The following BICD1 variants were observed in gnomAD, a reference collection of about 807,000 sequenced individuals.
BICD1 encodes protein bicaudal D homolog 1.
BICD1 carries 35 observed loss-of-function variants against 92.5 expected under a neutral mutation model. The observed-to-expected ratio is 0.38, with a 90% CI of 0.29 to 0.50. BICD1 has a LOEUF of 0.50. Among genes scored for constraint, BICD1 ranks in the 20% least tolerant of loss-of-function variants. The pLI is 0.93. For missense variants in BICD1, 950 were observed against 1,189.8 expected (o/e 0.80, Z 2.97); for synonymous variants, 429 against 465.1 (o/e 0.92, Z 1.00).
At chr12:32,320,978 A>G (rs1948641138) in intron 4 of BICD1, among the ~76,000 whole-genome samples, 1 of 152,228 alleles carries the variant, frequency 6.6e-6, no homozygotes, top group African/African-American at 2.4e-5. Flanking sequence ...TAAAATGTAT[A>G]GTAATTTTAA....
rs1028915181 is a variant in BICD1, at chr12:32,362,474, G to A, written c.2765-5196G>A. The stretch of plus-strand genomic sequence containing the variant: ...AACTTTCTCTCTCTGCCAATGAAAT[G>A]TATTATTTTCAGCCACCTCTTTTTA... On this transcript the variant is annotated intron_variant, in intron 8 of 9. Coordinates refer to ENST00000652176, the MANE Select transcript of BICD1 (RefSeq NM_001714.4). Among the ~76,000 whole-genome samples, 8 of 152,196 alleles carry A rather than the reference G, an allele frequency of 5.3e-5. No homozygotes were observed. In the East Asian group the frequency reaches 1.5e-3, roughly 29 times the overall value.
chr12:32,291,674 C>G (rs1947730661), intron 2 of BICD1, among the ~76,000 whole-genome samples: 1 of 151,280 alleles, frequency 6.6e-6, no homozygotes, highest in Non-Finnish European at 1.5e-5. Flanking sequence ...ACCATCTCTA[C>G]AAAAAATACA....
intron 3 of BICD1, among the ~76,000 whole-genome samples, chr12:32,296,395 C>T (rs187606350): frequency 1.8e-4 from 28 of 151,544 alleles, no homozygotes; most frequent in East Asian, 1.4e-3. Flanking sequence ...GTAGCTGGGA[C>T]TACATGCATG....
chr12:32,308,368 C>G (rs1429037536), intron 4 of BICD1, among the ~76,000 whole-genome samples: 3 of 152,164 alleles, frequency 2.0e-5, no homozygotes, highest in South Asian at 4.1e-4. Context: ...CACTAGTTGA[C>G]AGTCATTCTT....
At chr12:32,123,895 ACAGC>A (rs1942241235) in intron 1 of BICD1, among the ~76,000 whole-genome samples, 1 of 151,796 alleles carries the variant, frequency 6.6e-6, no homozygotes, top group Non-Finnish European at 1.5e-5. Context: ...AAAAAAAAAG[ACAGC>A]CAGTTATTTG....
chr12:32,253,141 C>T (rs989463093), intron 2 of BICD1, among the ~76,000 whole-genome samples: 1 of 152,150 alleles, frequency 6.6e-6, no homozygotes, highest in African/African-American at 2.4e-5. Flanking sequence ...CCTTGGCCTC[C>T]CAAAGTGTTG....
Position 32,327,936 on chromosome 12 carries a change from C to G in BICD1, c.1481C>G (p.Ala494Gly). 6.2e-7 allele frequency: 1 copy of G among 1,614,064 alleles called. No individual in the cohort carries two copies. The highest frequency in any genetic ancestry group is 8.5e-7 in the Non-Finnish European group (1 of 1,180,012). ...EKELQKMTSIANENHSTLNTA... is the reference protein window; with the variant it reads ...EKELQKMTSIGNENHSTLNTA... ...GAGTTGCAAAAGATGACCAGCATAG[C>G]CAACGAAAATCACAGTACCCTTAAT... Residue 494 changes from alanine to glycine, a missense_variant, in exon 5 of 10, where the codon GCC becomes GGC. Physicochemically the swap from Ala to Gly is moderately conservative, Grantham distance 60 (BLOSUM62 0). Transcript: ENST00000652176.
intron 4 of BICD1, among the ~76,000 whole-genome samples, chr12:32,312,770 T>G (rs1160052797): frequency 6.6e-6 from 1 of 152,238 alleles, no homozygotes; most frequent in African/African-American, 2.4e-5. Context: ...TCAGTCTCTA[T>G]AAACTTGACA....
At chr12:32,210,567 C>G (rs1267179090) in intron 1 of BICD1, among the ~76,000 whole-genome samples, 2 of 152,160 alleles carry the variant, frequency 1.3e-5, no homozygotes, top group Non-Finnish European at 2.9e-5. Context: ...ACATAGCTAA[C>G]TGGACTTACA....
intron 1 of BICD1, among the ~76,000 whole-genome samples, chr12:32,186,446 C>T (rs903899107): frequency 3.9e-5 from 6 of 152,166 alleles, no homozygotes; most frequent in Non-Finnish European, 5.9e-5. Context: ...CTTTTTGCTA[C>T]GTGATGTATT....
At chr12:32,367,939 T>C (rs1939588510) in intron 9 of BICD1, 194 bp downstream of exon 9, 2 of 555,122 alleles carry the variant, frequency 3.6e-6, no homozygotes, top group South Asian at 5.0e-5. Context: ...GAGCTGGGGT[T>C]TATTTTGCTG....
intron 2 of BICD1, among the ~76,000 whole-genome samples, chr12:32,275,259 G>C (rs1478971293): frequency 6.6e-6 from 1 of 152,152 alleles, no homozygotes; most frequent in East Asian, 1.9e-4. Flanking sequence ...GTAGGCATAA[G>C]CTGGCTCTAT....
chr12:32,334,807 C>A, intron 6 of BICD1, 140 bp downstream of exon 6: 1 of 908,522 alleles, frequency 1.1e-6, no homozygotes, highest in Non-Finnish European at 1.6e-6. Flanking sequence ...TGTGGAAGTC[C>A]ACTCTGACGT....
intron 1 of BICD1, among the ~76,000 whole-genome samples, chr12:32,142,453 C>CCTATCCTATCTATCTATCCTATCTAT (rs1942964682): frequency 2.7e-5 from 3 of 112,882 alleles, no homozygotes; most frequent in African/African-American, 1.1e-4. Flanking sequence ...ACCTATCTAT[C>CCTATCCTATCTATCTATCCTATCTAT]CTATCTATCT....
At chr12:32,153,281 G>A (rs1271931760) in intron 1 of BICD1, among the ~76,000 whole-genome samples, 1 of 152,160 alleles carries the variant, frequency 6.6e-6, no homozygotes, top group Admixed American at 6.6e-5. Context: ...ATTCCATGGT[G>A]TTTATATACC....
rs774069699 is a variant in BICD1, at chr12:32,216,294, A to G, written c.261A>G (p.Gly87=). The change falls in exon 2 of 10, where the codon GGA becomes GGG. Residue 87 remains glycine, a synonymous_variant. Coordinates refer to ENST00000652176, the MANE Select transcript of BICD1 (RefSeq NM_001714.4). ...TCCACCGGAAGGTTGCTGAAGATGGAGAGACTCGGGAGGAAACGCTTCTGC... is the reference window on the plus strand; with the variant it reads ...TCCACCGGAAGGTTGCTGAAGATGGGGAGACTCGGGAGGAAACGCTTCTGC... ...FSIHRKVAED[G]ETREETLLQE... The G allele has an allele frequency of 4.3e-6, 7 of 1,614,082 alleles. No individual in the cohort carries two copies. The highest frequency in any genetic ancestry group is 3.4e-6 in the Non-Finnish European group (4 of 1,180,012).
chr12:32,335,069 A>G (rs1310312731), intron 6 of BICD1, among the ~76,000 whole-genome samples: 1 of 152,224 alleles, frequency 6.6e-6, no homozygotes, highest in African/African-American at 2.4e-5. Flanking sequence ...ATGAAAGTAT[A>G]TAAAAGTGCC....
chr12:32,322,070 T>G (rs1361880137), intron 4 of BICD1, among the ~76,000 whole-genome samples: 1 of 152,166 alleles, frequency 6.6e-6, no homozygotes, highest in Non-Finnish European at 1.5e-5. Context: ...AAATACCATT[T>G]AAGGTACTCT....
At chr12:32,186,498 A>G (rs1944427025) in intron 1 of BICD1, among the ~76,000 whole-genome samples, 1 of 152,188 alleles carries the variant, frequency 6.6e-6, no homozygotes, top group Non-Finnish European at 1.5e-5. Context: ...CATAAAACCA[A>G]CATGTCTAAA....
Sources: allele counts gnomAD v4.1 joint callset (sites outside exome capture counted in the v4.1 genomes callset), GRCh38; gene constraint gnomAD v4.1.1; transcripts MANE v1.5; gene names NCBI Gene and HGNC (gene_info 2026-07-23, HGNC 2026-07-21).